Variants in KIF3C observed in about 807,000 individuals in gnomAD.
KIF3C encodes the protein kinesin-like protein KIF3C.
A neutral mutation model predicts 67.7 loss-of-function variants in KIF3C; 12 were observed. The ratio of observed to expected loss-of-function variants is 0.18; its 90% CI spans 0.11 to 0.29. The LOEUF is 0.29. Ranked by LOEUF, KIF3C falls within the 10% of genes least tolerant of loss-of-function variation. KIF3C has a pLI of 1.00. For synonymous variants in KIF3C, 393 were observed against 426.2 expected (o/e 0.92, Z 0.96); for missense variants, 789 against 1,059.6 (o/e 0.74, Z 3.55).
Position 25,980,810 on chromosome 2 carries a change from G to C in KIF3C, c.1108C>G (p.Arg370Gly). The C allele has an allele frequency of 6.2e-7, 1 of 1,614,200 alleles. No individual in the cohort carries two copies. The highest frequency in any genetic ancestry group is 1.6e-4 in the Middle Eastern group (1 of 6,062). ...GTGTCCTTGGGGTCCTCGTTCACCC[G>C]GGGCTTGTTCTTGATGTTCTTGGCT... ...NRAKNIKNKP[R>G]VNEDPKDTLL... The change falls in exon 1 of 8, where the codon CGG becomes GGG. Residue 370 changes from arginine (R) to glycine (G), a missense_variant. Arg to Gly is a moderately radical substitution (Grantham distance 125, BLOSUM62 -2). Coordinates refer to ENST00000264712, the MANE Select transcript of KIF3C (RefSeq NM_002254.8). The surrounding 1 kb of genome is among the most constrained non-coding windows in gnomAD (Gnocchi z 7.6).
chr2:25,961,259 G>C (rs1459593282), intron 1 of KIF3C, among the ~76,000 whole-genome samples: 2 of 152,198 alleles, frequency 1.3e-5, no homozygotes. Flanking sequence ...ATGGAGAAAG[G>C]GGAAGTGAAC....
At chr2:25,975,993 G>T (rs1664404674) in intron 1 of KIF3C, among the ~76,000 whole-genome samples, 1 of 151,990 alleles carries the variant, frequency 6.6e-6, no homozygotes, top group Non-Finnish European at 1.5e-5. Context: ...CACCTTTCTT[G>T]GAGGGTGCTC....
intron 5 of KIF3C, among the ~76,000 whole-genome samples, chr2:25,940,650 C>CTTTTTTTTTT (rs70950139): frequency 5.4e-5 from 4 of 74,188 alleles, no homozygotes; most frequent in Non-Finnish European, 9.6e-5. Flanking sequence ...TCAGAATGTT[C>CTTTTTTTTTT]TTTTTTTTTT....
intron 5 of KIF3C, among the ~76,000 whole-genome samples, chr2:25,940,549 G>A (rs991849691): frequency 1.3e-5 from 2 of 149,998 alleles, no homozygotes; most frequent in Non-Finnish European, 3.0e-5. Flanking sequence ...CAGCCTGGGC[G>A]ACAGAGTGAG....
At chr2:25,960,907 G>C (rs538444317) in intron 1 of KIF3C, among the ~76,000 whole-genome samples, 58 of 152,312 alleles carry the variant, frequency 3.8e-4, no homozygotes, top group African/African-American at 1.3e-3. Flanking sequence ...ATGCACTTTA[G>C]CTTGGGCAAC....
intron 5 of KIF3C, chr2:25,951,538 C>T (rs546718917): frequency 1.5e-4 from 63 of 434,124 alleles, no homozygotes; most frequent in African/African-American, 1.2e-3. Flanking sequence ...TCCTCCCTCC[C>T]GAGATCCCTC....
chr2:25,929,551 G>T (rs1226152887), intron 6 of KIF3C, 74 bp from the exon 7 acceptor site: 1 of 1,319,662 alleles, frequency 7.6e-7, no homozygotes, highest in Non-Finnish European at 1.1e-6. Flanking sequence ...GCCAGTCTTG[G>T]GTGTAGCAGG....
intron 5 of KIF3C, among the ~76,000 whole-genome samples, chr2:25,936,306 G>A (rs763678195): frequency 6.6e-6 from 1 of 152,132 alleles, no homozygotes; most frequent in Non-Finnish European, 1.5e-5. Flanking sequence ...GTCCCCAAGT[G>A]TTGGGATTAC....
chr2:25,960,437 C>T (rs1243226090), intron 1 of KIF3C, among the ~76,000 whole-genome samples: 2 of 149,270 alleles, frequency 1.3e-5, no homozygotes, highest in African/African-American at 2.4e-5. Flanking sequence ...ACATGATGGC[C>T]CCCTCAGTAA....
intron 1 of KIF3C, among the ~76,000 whole-genome samples, chr2:25,974,291 G>GGGA (rs1664357026): frequency 6.6e-6 from 1 of 152,016 alleles, no homozygotes; most frequent in Non-Finnish European, 1.5e-5. Flanking sequence ...GCTGGTCTCA[G>GGGA]TCTCCTGACC....
chr2:25,982,334 G>A lies in KIF3C; in HGVS notation c.-417C>T, dbSNP rs1664625443. 1 of 399,070 alleles carries A rather than the reference G, an allele frequency of 2.5e-6. No individual in the cohort carries two copies. Among genetic ancestry groups the A allele is most frequent in the South Asian group, 1.3e-4 (1 of 7,922 alleles). The allele number at this position is 399,070 out of a possible 1,614,324, so 24.7% of individuals were successfully genotyped here. A position where few individuals can be genotyped will look rare whatever the true frequency, so the allele number is the denominator to read the frequency against. On this transcript the variant is annotated 5_prime_UTR_variant, in exon 1 of 8. Transcript: ENST00000264712. ...CTTCCTCTAGGGATCCATAGCGTGG[G>A]CTGCCGGTCGTGGGCGGCCGGGGGT...
At chr2:25,966,704 A>T (rs1664149250) in intron 1 of KIF3C, among the ~76,000 whole-genome samples, 1 of 152,218 alleles carries the variant, frequency 6.6e-6, no homozygotes, top group Non-Finnish European at 1.5e-5. Context: ...TTCTGGAAAG[A>T]TAGCATCAAG....
chr2:25,940,318 C>A (rs1486264249), intron 5 of KIF3C, among the ~76,000 whole-genome samples: 1 of 152,044 alleles, frequency 6.6e-6, no homozygotes, highest in Non-Finnish European at 1.5e-5. Context: ...CGCCTGTAAT[C>A]CTAGCAGTTT....
intron 1 of KIF3C, among the ~76,000 whole-genome samples, chr2:25,978,792 C>G (rs1664483637): frequency 6.6e-6 from 1 of 152,018 alleles, no homozygotes; most frequent in Non-Finnish European, 1.5e-5. Context: ...GGCAGATTGA[C>G]CAGGTAAGCA....
intron 5 of KIF3C, among the ~76,000 whole-genome samples, chr2:25,945,971 G>A (rs1288333070): frequency 6.6e-6 from 1 of 151,800 alleles, no homozygotes; most frequent in Non-Finnish European, 1.5e-5. Context: ...AAATTAGCCG[G>A]GCATGGTGGT....
At chr2:25,940,101 T>C (rs1663244474) in intron 5 of KIF3C, among the ~76,000 whole-genome samples, 1 of 152,178 alleles carries the variant, frequency 6.6e-6, no homozygotes, top group African/African-American at 2.4e-5. Flanking sequence ...AGAGTCCCCA[T>C]AATTAGAATA....
intron 1 of KIF3C, among the ~76,000 whole-genome samples, chr2:25,972,523 G>T (rs946107558): frequency 3.3e-5 from 5 of 152,138 alleles, no homozygotes; most frequent in African/African-American, 1.2e-4. Context: ...AACCCAGCCT[G>T]GAGTATGGGT....
At chr2:25,951,075 G>A (rs1328962616) in intron 5 of KIF3C, among the ~76,000 whole-genome samples, 1 of 152,052 alleles carries the variant, frequency 6.6e-6, no homozygotes, top group Admixed American at 6.6e-5. Flanking sequence ...TCTCCAGGAA[G>A]GTGCATTGGT....
chr2:25,949,888 T>C (rs1297270226), intron 5 of KIF3C, among the ~76,000 whole-genome samples: 1 of 151,134 alleles, frequency 6.6e-6, no homozygotes, highest in Non-Finnish European at 1.5e-5. Flanking sequence ...CGAGAATCGT[T>C]TGAACCCAGG....
Sources: gnomAD v4.1 joint callset for allele counts (sites outside exome capture counted in the v4.1 genomes callset) on GRCh38, gnomAD v4.1.1 for gene constraint, Gnocchi (gnomAD v3.1) non-coding constraint, MANE v1.5 for transcripts, NCBI Gene and HGNC (gene_info 2026-07-23, HGNC 2026-07-21) for gene names.